The following FRYL variants were observed in gnomAD, a reference collection of about 807,000 sequenced individuals.
FRYL encodes FRY like transcription coactivator.
FRYL carries 150 observed loss-of-function variants against 351.2 expected under a neutral mutation model. The ratio of observed to expected loss-of-function variants is 0.43; its 90% CI spans 0.37 to 0.49. The LOEUF is 0.49. FRYL is among the 20% of genes least tolerant of loss of function. The probability of loss-of-function intolerance (pLI) is 0.00; values close to 1 mark genes in which losing one functional copy is unlikely to be tolerated. For missense variants in FRYL, 3,036 were observed against 3,619.3 expected, an observed-to-expected ratio of 0.84 and a Z score of 4.13; for synonymous variants, 1,153 against 1,257.1, an observed-to-expected ratio of 0.92 and a Z score of 1.75.
At chr4:48,773,738 C>A (rs367801684) in intron 1 of FRYL, among the ~76,000 whole-genome samples, 60 of 152,254 alleles carry the variant, frequency 3.9e-4, no homozygotes, top group African/African-American at 1.3e-3. Context: ...TCAGCCTAGG[C>A]AACATGGCAA....
chr4:48,506,614 T>A (rs1443744490), intron 59 of FRYL: 7 of 78,006 alleles, frequency 9.0e-5, no homozygotes, highest in Middle Eastern at 6.8e-3. Flanking sequence ...ACAATACAAC[T>A]AATATATATA....
At chr4:48,698,519 CAT>C (rs1198279631) in intron 2 of FRYL, among the ~76,000 whole-genome samples, 3 of 152,214 alleles carry the variant, frequency 2.0e-5, no homozygotes, top group Non-Finnish European at 2.9e-5. Context: ...GCCTCCTCCC[CAT>C]GTTTGTGAAA....
chr4:48,719,843 A>G (rs1769262349), intron 1 of FRYL, among the ~76,000 whole-genome samples: 1 of 151,584 alleles, frequency 6.6e-6, no homozygotes. Flanking sequence ...TAATTTTATC[A>G]CTGACTTTTT....
intron 3 of FRYL, among the ~76,000 whole-genome samples, chr4:48,671,906 A>G (rs560714217): frequency 4.0e-5 from 6 of 149,230 alleles, no homozygotes; most frequent in Non-Finnish European, 7.4e-5. Flanking sequence ...GAAAGACAGA[A>G]AAAGGTGCTC....
chr4:48,675,656 T>C (rs1421258929), intron 3 of FRYL, among the ~76,000 whole-genome samples: 1 of 152,086 alleles, frequency 6.6e-6, no homozygotes, highest in Non-Finnish European at 1.5e-5. Context: ...GGCCCTAGCC[T>C]CCCCGACGAG....
chr4:48,630,764 A>G (rs571688594), intron 4 of FRYL, among the ~76,000 whole-genome samples: 2 of 152,322 alleles, frequency 1.3e-5, no homozygotes, highest in South Asian at 4.1e-4. Flanking sequence ...AGAATGAAAA[A>G]GCCAATTCTC....
intron 13 of FRYL, among the ~76,000 whole-genome samples, chr4:48,601,688 A>G (rs909781107): frequency 2.2e-4 from 34 of 152,196 alleles, no homozygotes; most frequent in African/African-American, 7.5e-4. Context: ...AGACAAAATA[A>G]GTATCTAGAA....
At chr4:48,661,327 T>C (rs895831342) in intron 3 of FRYL, among the ~76,000 whole-genome samples, 1 of 152,110 alleles carries the variant, frequency 6.6e-6, no homozygotes, top group Non-Finnish European at 1.5e-5. Flanking sequence ...TTTTCAGACA[T>C]GACAAAGGAG....
intron 2 of FRYL, among the ~76,000 whole-genome samples, chr4:48,698,804 C>G (rs1422024918): frequency 2.0e-5 from 3 of 152,040 alleles, no homozygotes; most frequent in African/African-American, 7.2e-5. Flanking sequence ...GCACCACCCC[C>G]ACCCCAACCC....
At chr4:48,669,434 A>G (rs1262535417) in intron 3 of FRYL, among the ~76,000 whole-genome samples, 1 of 152,120 alleles carries the variant, frequency 6.6e-6, no homozygotes, top group Non-Finnish European at 1.5e-5. Flanking sequence ...AGTAGTGGCT[A>G]AATATCAACT....
intron 27 of FRYL, among the ~76,000 whole-genome samples, chr4:48,570,217 G>C (rs1335029228): frequency 6.6e-6 from 1 of 152,080 alleles, no homozygotes; most frequent in Non-Finnish European, 1.5e-5. Flanking sequence ...TCCTCCTAAG[G>C]AAATAGTTAT....
chr4:48,527,764 C>T, intron 52 of FRYL, 111 bp from the exon 53 acceptor site: 1 of 1,164,462 alleles, frequency 8.6e-7, no homozygotes, highest in Non-Finnish European at 1.2e-6. Flanking sequence ...AATGAATTCA[C>T]AGCTTAAATT....
chr4:48,533,965 G>A (rs189131647), intron 49 of FRYL, among the ~76,000 whole-genome samples: 4 of 152,272 alleles, frequency 2.6e-5, no homozygotes, highest in African/African-American at 9.6e-5. Flanking sequence ...GGTGGCTCAC[G>A]CCTGTAATCC....
chr4:48,651,491 A>G (rs2149433103), intron 3 of FRYL, among the ~76,000 whole-genome samples: 1 of 152,136 alleles, frequency 6.6e-6, no homozygotes, highest in South Asian at 2.1e-4. Flanking sequence ...GATTCCTTCT[A>G]TCTCTGGACT....
Position 48,540,676 on chromosome 4 carries a change from T to A in FRYL, c.5972A>T (p.Gln1991Leu). ...CAAGTTGGTAGGCTCAGTAGTGGAC[T>A]GCACGTCATACATTCCTTTCTCTCT... is the stretch of plus-strand genomic sequence containing the variant. ...SLREKGMYDV[Q>L]STTEPTNLMA... Residue 1991 changes from glutamine to leucine, a missense_variant, in exon 46 of 64, where the codon CAG (glutamine) becomes CTG (leucine). Coordinates refer to ENST00000358350, the MANE Select transcript of FRYL (RefSeq NM_015030.2). 6.2e-7 allele frequency: 1 copy of A among 1,613,996 alleles called. No individual in the cohort carries two copies. The highest frequency in any genetic ancestry group is 2.2e-5 in the East Asian group (1 of 44,870).
chr4:48,694,898 C>G (rs1437724661), intron 2 of FRYL, among the ~76,000 whole-genome samples: 1 of 152,088 alleles, frequency 6.6e-6, no homozygotes, highest in Non-Finnish European at 1.5e-5. Context: ...ATAGTGAAAC[C>G]TCATCTCTAG....
chr4:48,779,960 G>A (rs1776495821), intron 1 of FRYL, 118 bp downstream of exon 1: 1 of 151,952 alleles, frequency 6.6e-6, no homozygotes, highest in Non-Finnish European at 1.5e-5. Flanking sequence ...GACAGCTGGC[G>A]AGGGCCGACG....
chr4:48,615,867 T>C (rs184563885), intron 7 of FRYL, among the ~76,000 whole-genome samples: 4 of 152,284 alleles, frequency 2.6e-5, no homozygotes, highest in East Asian at 1.9e-4. Context: ...ATATACACCA[T>C]GGAATACTCT....
chr4:48,613,784 C>T (rs532146581), intron 7 of FRYL, among the ~76,000 whole-genome samples: 2 of 152,072 alleles, frequency 1.3e-5, no homozygotes, highest in Admixed American at 6.5e-5. Context: ...GGTGAAACCT[C>T]GTCTCTACTA....
Sources: allele counts gnomAD v4.1 joint callset (sites outside exome capture counted in the v4.1 genomes callset), GRCh38; gene constraint gnomAD v4.1.1; transcripts MANE v1.5; gene names NCBI Gene and HGNC (gene_info 2026-07-23, HGNC 2026-07-21).